HOXC9: variants seen among roughly 807,000 people sequenced by gnomAD.
HOXC9 encodes the protein homeobox C9.
A neutral mutation model predicts 20.0 loss-of-function variants in HOXC9; 10 were observed. That is an observed-to-expected ratio of 0.50 (90% CI 0.31 to 0.85). HOXC9 has a LOEUF of 0.85. Among genes scored for constraint, HOXC9 ranks in the 40% least tolerant of loss-of-function variants. HOXC9 has a pLI of 0.05. For missense variants in HOXC9, 394 were observed against 376.7 expected (o/e 1.05, Z -0.38); for synonymous variants, 200 against 163.7 (o/e 1.22, Z -1.69).
chr12:54,001,107 A>T (rs991716365), intron 1 of HOXC9, among the ~76,000 whole-genome samples: 1 of 151,992 alleles, frequency 6.6e-6, no homozygotes, highest in Non-Finnish European at 1.5e-5. Flanking sequence ...GGAAGAGGTG[A>T]GGAGGACACT....
chr12:54,000,826 G>A (rs1360674901), intron 1 of HOXC9, 100 bp downstream of exon 1: 1 of 1,111,172 alleles, frequency 9.0e-7, no homozygotes, highest in South Asian at 1.8e-5. Flanking sequence ...TGCAGGGAGC[G>A]CGGGAGAGGG....
chr12:54,002,380 C>T, intron 1 of HOXC9, 50 bp from the exon 2 acceptor site: 1 of 1,586,974 alleles, frequency 6.3e-7, no homozygotes, highest in Non-Finnish European at 8.6e-7. Context: ...AGCAGAAGTC[C>T]TGGGCTGGAA....
At position 54,000,433 on chromosome 12, in the gene HOXC9, C is replaced by T; in HGVS notation, c.245C>T (p.Pro82Leu). Residue 82 changes from proline (P) to leucine (L), a missense_variant, in exon 1 of 2, where the codon CCC becomes CTC. Transcript: ENST00000303450. The stretch of plus-strand genomic sequence containing the variant: ...TCCGTGGTATATCACCCGTACGGCC[C>T]CCAGCCCCACCTCGGCGCCGACACG... Reference protein sequence around the residue: ...QSSVVYHPYGPQPHLGADTRY... With the variant: ...QSSVVYHPYGLQPHLGADTRY... 1.2e-6 allele frequency: 2 copies of T among 1,608,284 alleles called. No homozygotes were observed. Among genetic ancestry groups the T allele is most frequent in the South Asian group, 1.1e-5 (1 of 91,082 alleles).
chr12:54,003,157 G>A lies in HOXC9; in HGVS notation c.*483G>A, dbSNP rs1939787924. 6.5e-6 allele frequency: 1 copy of A among 154,908 alleles called. No individual in the cohort carries two copies. Among genetic ancestry groups the A allele is most frequent in the Admixed American group, 6.4e-5 (1 of 15,702 alleles). 9.6% of individuals were successfully genotyped at this position (154,908 alleles called of 1,614,324 possible). A position where few individuals can be genotyped will look rare whatever the true frequency, so the allele number is the denominator to read the frequency against. ...AATGATTCCCAGCCCAGGAGCTGAG[G>A]GGTGAGGGCTGGGGACCATGCCGCG... On this transcript the variant is annotated 3_prime_UTR_variant, in exon 2 of 2. Coordinates refer to ENST00000303450, the MANE Select transcript of HOXC9 (RefSeq NM_006897.3).
rs1478618370 is a variant in HOXC9 at position 54,002,934 on chromosome 12, C to G, written c.*260C>G. On this transcript the variant is annotated 3_prime_UTR_variant, in exon 2 of 2. Coordinates refer to ENST00000303450, the MANE Select transcript of HOXC9 (RefSeq NM_006897.3). ...GGGAGAGAAACTGCGTTCTCTTTCC[C>G]CAGCGCAACCGAAATAAATGACACA... The G allele has an allele frequency of 1.4e-5, 5 of 346,002 alleles. No homozygotes were observed. The highest frequency in any genetic ancestry group is 2.6e-5 in the Non-Finnish European group (5 of 191,944). 21.4% of individuals were successfully genotyped at this position (346,002 alleles called of 1,614,324 possible).
intron 1 of HOXC9, among the ~76,000 whole-genome samples, chr12:54,001,429 TACACACAC>T (rs56935573): frequency 6.8e-6 from 1 of 146,326 alleles, no homozygotes; most frequent in Non-Finnish European, 1.5e-5. Context: ...TAGAGAATTC[TACACACAC>T]ACACACACAC....
At position 54,000,460 on chromosome 12, in the gene HOXC9, G is replaced by A. The variant is rs746675879; in HGVS notation, c.272G>A (p.Arg91His). The change falls in exon 1 of 2, where the codon CGC becomes CAC. Residue 91 changes from arginine (R) to histidine (H), a missense_variant. By Grantham distance (29) the Arg-to-His change is conservative (BLOSUM62 0). Transcript: ENST00000303450. ...GPQPHLGADT[R>H]YMRTWLEPLS... ...CAGCCCCACCTCGGCGCCGACACGCGCTACATGCGGACTTGGCTCGAGCCG... is the reference window on the plus strand; with the variant it reads ...CAGCCCCACCTCGGCGCCGACACGCACTACATGCGGACTTGGCTCGAGCCG... 3 of 1,603,622 alleles carry A rather than the reference G, an allele frequency of 1.9e-6. No homozygotes were observed. Among genetic ancestry groups the A allele is most frequent in the Non-Finnish European group, 2.5e-6 (3 of 1,179,754 alleles).
At chr12:54,001,238 T>C (rs1939736224) in intron 1 of HOXC9, among the ~76,000 whole-genome samples, 1 of 151,926 alleles carries the variant, frequency 6.6e-6, no homozygotes, top group South Asian at 2.1e-4. Context: ...CCAGGAGCAC[T>C]GGGTGAGGGG....
Position 54,000,494 on chromosome 12 carries a change from C to G in HOXC9, c.306C>G (p.Gly102=). Residue 102 remains glycine (G), a synonymous_variant, in exon 1 of 2, where the codon GGC becomes GGG. Transcript: ENST00000303450. The stretch of plus-strand genomic sequence containing the variant: ...GGACTTGGCTCGAGCCGCTGTCCGG[C>G]GCCGTCTCCTTCCCCAGCTTCCCGG... ...YMRTWLEPLS[G]AVSFPSFPAG... The G allele has an allele frequency of 6.3e-7, 1 of 1,599,434 alleles. No homozygotes were observed. Among genetic ancestry groups the G allele is most frequent in the Non-Finnish European group, 8.5e-7 (1 of 1,179,142 alleles).
chr12:54,000,250 A>T lies in HOXC9; in HGVS notation c.62A>T (p.Glu21Val). 6.2e-7 allele frequency: 1 copy of T among 1,614,144 alleles called. No homozygotes were observed. Among genetic ancestry groups the T allele is most frequent in the South Asian group, 1.1e-5 (1 of 91,076 alleles). The change falls in exon 1 of 2, where the codon GAA becomes GTA. Residue 21 changes from glutamate to valine, a missense_variant. Transcript: ENST00000303450. ...YVDSLISHDN[E>V]DLLASRFPAT... The stretch of plus-strand genomic sequence containing the variant: ...GACTCGCTCATCTCTCACGACAATG[A>T]AGACCTCCTAGCGTCCAGGTTTCCG...
intron 1 of HOXC9, among the ~76,000 whole-genome samples, 153 bp downstream of exon 1, chr12:54,000,879 G>GC (rs1373582928): frequency 6.6e-6 from 1 of 152,166 alleles, no homozygotes. Context: ...ACCTTGGGGA[G>GC]CTTTCAGGGG....
intron 1 of HOXC9, among the ~76,000 whole-genome samples, chr12:54,002,009 T>C (rs970365869): frequency 6.9e-6 from 1 of 144,352 alleles, no homozygotes; most frequent in African/African-American, 2.6e-5. Flanking sequence ...TTTCAGGACT[T>C]GGTCGTGGGC....
chr12:54,001,443 C>T (rs181942935), intron 1 of HOXC9, among the ~76,000 whole-genome samples: 1 of 148,730 alleles, frequency 6.7e-6, no homozygotes, highest in East Asian at 1.9e-4. Context: ...CACACACACA[C>T]ACACACACAC....
In HOXC9 at chr12:54,002,952, A is replaced by AT; in HGVS notation, c.*279dup. On this transcript the variant is annotated 3_prime_UTR_variant, in exon 2 of 2. Coordinates refer to ENST00000303450, the MANE Select transcript of HOXC9 (RefSeq NM_006897.3). ...TCTTTCCCCAGCGCAACCGAAATAA[A>AT]TGACACATACAAATGTGATTTTTTT... is the stretch of plus-strand genomic sequence containing the variant. 1 of 304,162 alleles carries AT rather than the reference A, an allele frequency of 3.3e-6. No individual in the cohort carries two copies. Among genetic ancestry groups the AT allele is most frequent in the Non-Finnish European group, 6.0e-6 (1 of 165,492 alleles). The allele number at this position is 304,162 out of a possible 1,614,324, so 18.8% of individuals were successfully genotyped here. A position where few individuals can be genotyped will look rare whatever the true frequency, so the allele number is the denominator to read the frequency against.
chr12:54,003,123 A>G lies in HOXC9; in HGVS notation c.*449A>G, dbSNP rs915110822. On this transcript the variant is annotated 3_prime_UTR_variant, in exon 2 of 2. Coordinates refer to ENST00000303450, the MANE Select transcript of HOXC9 (RefSeq NM_006897.3). ...ACAAAAAAAAAAAAGACACACACACATACATGATAATGATTCCCAGCCCAG... is the reference window on the plus strand; with the variant it reads ...ACAAAAAAAAAAAAGACACACACACGTACATGATAATGATTCCCAGCCCAG... 8.4e-5 allele frequency: 13 copies of G among 154,512 alleles called. No homozygotes were observed. Among genetic ancestry groups the G allele is most frequent in the African/African-American group, 2.4e-4 (10 of 41,098 alleles). The allele number at this position is 154,512 out of a possible 1,614,324, so 9.6% of individuals were successfully genotyped here. A position where few individuals can be genotyped will look rare whatever the true frequency, so the allele number is the denominator to read the frequency against.
Position 54,001,587 on chromosome 12 carries a change from G to C in HOXC9, c.539-843G>C, listed in dbSNP as rs568706683. ...AAAGAAGGAGAAACAGCAGGGGAGG[G>C]GGTGCAGACCCCTGGGTGTGAGGAA... On this transcript the variant is annotated intron_variant, in intron 1 of 1. Coordinates refer to ENST00000303450, the MANE Select transcript of HOXC9 (RefSeq NM_006897.3). 7.2e-5 allele frequency among the ~76,000 whole-genome samples: 11 copies of C among 152,222 alleles called. No homozygotes were observed. The South Asian group carries it at 2.1e-3, about 29-fold the overall frequency.
Position 54,000,738 on chromosome 12 carries a change from G to A in HOXC9, c.538+12G>A. 2 of 1,509,132 alleles carry A rather than the reference G, an allele frequency of 1.3e-6. No individual in the cohort carries two copies. Among genetic ancestry groups the A allele is most frequent in the South Asian group, 1.3e-5 (1 of 76,888 alleles). The allele number at this position is 1,509,132 out of a possible 1,614,324, so 93.5% of individuals were successfully genotyped here. On this transcript the variant is annotated intron_variant, in intron 1 of 1. Coordinates refer to ENST00000303450, the MANE Select transcript of HOXC9 (RefSeq NM_006897.3). ...CGACCTGGACCCCAGTAAGTTGGGA[G>A]CAATTTTCCTTTACAACCGGCGCGG...
chr12:54,000,681 C>T lies in HOXC9; in HGVS notation c.493C>T (p.Leu165Phe), dbSNP rs1182148568. Reference protein sequence around the residue: ...QTLPSPEADALAGSKHKEEKA... With the variant: ...QTLPSPEADAFAGSKHKEEKA... ...ACTGCCCTCGCCCGAGGCGGACGCGCTCGCCGGCAGCAAGCACAAAGAGGA... is the reference window on the plus strand; with the variant it reads ...ACTGCCCTCGCCCGAGGCGGACGCGTTCGCCGGCAGCAAGCACAAAGAGGA... The change falls in exon 1 of 2, where the codon CTC (leucine) becomes TTC (phenylalanine). Residue 165 changes from leucine to phenylalanine, a missense_variant. Leu to Phe is a conservative substitution (Grantham distance 22). Transcript: ENST00000303450. 5.1e-6 allele frequency: 8 copies of T among 1,565,566 alleles called. No homozygotes were observed. Among genetic ancestry groups the T allele is most frequent in the African/African-American group, 1.4e-5 (1 of 71,204 alleles).
rs774975079 is a variant in HOXC9 at position 54,000,470 on chromosome 12, G to A, written c.282G>A (p.Arg94=). ...PHLGADTRYM[R]TWLEPLSGAV... Reference sequence around the variant, plus strand: ...TCGGCGCCGACACGCGCTACATGCGGACTTGGCTCGAGCCGCTGTCCGGCG... The same window carrying A: ...TCGGCGCCGACACGCGCTACATGCGAACTTGGCTCGAGCCGCTGTCCGGCG... The change falls in exon 1 of 2, where the codon CGG becomes CGA. Residue 94 remains arginine (R), a synonymous_variant. Coordinates refer to ENST00000303450, the MANE Select transcript of HOXC9 (RefSeq NM_006897.3). 7.5e-6 allele frequency: 12 copies of A among 1,601,532 alleles called. No homozygotes were observed. Among genetic ancestry groups the A allele is most frequent in the African/African-American group, 1.3e-5 (1 of 74,936 alleles).
Sources: allele counts gnomAD v4.1 joint callset (sites outside exome capture counted in the v4.1 genomes callset), GRCh38; gene constraint gnomAD v4.1.1; transcripts MANE v1.5; gene names NCBI Gene and HGNC (gene_info 2026-07-23, HGNC 2026-07-21).